Variants in DCC observed in about 807,000 individuals in gnomAD.
The protein encoded by DCC is DCC netrin 1 receptor, also known as netrin receptor DCC.
A neutral mutation model predicts 172.5 loss-of-function variants in DCC; 58 were observed. That is an observed-to-expected ratio of 0.34 (90% CI 0.27 to 0.42). The LOEUF is 0.42. DCC is among the 10% of genes least tolerant of loss of function. DCC has a pLI of 1.00. For synonymous variants in DCC, 709 were observed against 644.5 expected, an observed-to-expected ratio of 1.10 and a Z score of -1.52; for missense variants, 1,740 against 1,791.0, an observed-to-expected ratio of 0.97 and a Z score of 0.51.
intron 1 of DCC, among the ~76,000 whole-genome samples, chr18:52,440,887 C>A (rs1987951151): frequency 6.6e-6 from 1 of 152,168 alleles, no homozygotes; most frequent in African/African-American, 2.4e-5. Flanking sequence ...TCTGTATGTG[C>A]TCTGTGTAAA....
At chr18:52,578,518 T>C (rs1294098297) in intron 1 of DCC, among the ~76,000 whole-genome samples, 5 of 152,208 alleles carry the variant, frequency 3.3e-5, no homozygotes, top group Admixed American at 3.3e-4. Context: ...ATGAAATTTT[T>C]GTCCTCTGTA....
intron 7 of DCC, among the ~76,000 whole-genome samples, chr18:53,122,318 C>G (rs573029432): frequency 1.2e-4 from 18 of 152,018 alleles, no homozygotes; most frequent in African/African-American, 4.3e-4. Flanking sequence ...AACTCATTAA[C>G]CAATTGGCTT....
chr18:52,415,099 A>G (rs968697772), intron 1 of DCC, among the ~76,000 whole-genome samples: 6 of 152,218 alleles, frequency 3.9e-5, no homozygotes, highest in African/African-American at 9.6e-5. Flanking sequence ...AGATTTTTTC[A>G]TTATCATTGT....
intron 12 of DCC, among the ~76,000 whole-genome samples, chr18:53,258,762 A>G (rs879560895): frequency 6.6e-6 from 1 of 152,136 alleles, no homozygotes; most frequent in Non-Finnish European, 1.5e-5. Flanking sequence ...GTTCCTGGAT[A>G]TCCTTTTTAA....
At chr18:52,461,112 A>C (rs903474791) in intron 1 of DCC, among the ~76,000 whole-genome samples, 1 of 152,098 alleles carries the variant, frequency 6.6e-6, no homozygotes, top group Admixed American at 6.6e-5. Context: ...ATTCCTTTGG[A>C]TCTTTGTTCT....
At chr18:53,497,615 C>G (rs2046040265) in intron 26 of DCC, among the ~76,000 whole-genome samples, 1 of 152,204 alleles carries the variant, frequency 6.6e-6, no homozygotes, top group African/African-American at 2.4e-5. Context: ...TAGAACCACA[C>G]TCACAAAAAT....
At chr18:53,442,007 T>C (rs1197427141) in intron 22 of DCC, among the ~76,000 whole-genome samples, 2 of 152,248 alleles carry the variant, frequency 1.3e-5, no homozygotes, top group South Asian at 2.1e-4. Context: ...GAATAGGAGC[T>C]GATGCTTAGC....
chr18:52,603,342 A>G (rs908263508), intron 1 of DCC, among the ~76,000 whole-genome samples: 2 of 152,130 alleles, frequency 1.3e-5, no homozygotes, highest in South Asian at 2.1e-4. Flanking sequence ...CTGCTTTCTC[A>G]TCCATTAGAC....
intron 13 of DCC, among the ~76,000 whole-genome samples, chr18:53,306,003 T>C (rs1249193779): frequency 6.6e-6 from 1 of 152,210 alleles, no homozygotes; most frequent in Non-Finnish European, 1.5e-5. Flanking sequence ...ATCTGTTATC[T>C]AAAAACTTAA....
At chr18:52,769,988 A>G (rs201473187) in intron 2 of DCC, among the ~76,000 whole-genome samples, 1 of 152,232 alleles carries the variant, frequency 6.6e-6, no homozygotes, top group Non-Finnish European at 1.5e-5. Flanking sequence ...TGCTTCTCCT[A>G]AAACAGTCTA....
rs191539781 is a variant in DCC at position 52,768,244 on chromosome 18, G to A, written c.412+15870G>A. Among the ~76,000 whole-genome samples, 241 of 152,212 alleles carry A rather than the reference G, an allele frequency of 1.6e-3. 1 individual carries two copies. The highest frequency in any genetic ancestry group is 5.4e-3 in the African/African-American group (226 of 41,542). ...TTTAGAGTGTAAGGTCTTACCTGGG[G>A]AACATGTGTTTCATATGTTTTAAAA... On this transcript the variant is annotated intron_variant, in intron 2 of 28. Transcript: ENST00000442544.
At chr18:52,774,556 C>T (rs2037395480) in intron 2 of DCC, among the ~76,000 whole-genome samples, 1 of 152,232 alleles carries the variant, frequency 6.6e-6, no homozygotes, top group Non-Finnish European at 1.5e-5. Flanking sequence ...CTGGAGAGGT[C>T]AGAGCAGCAA....
At chr18:53,237,292 A>G (rs918801206) in intron 12 of DCC, 6 of 153,756 alleles carry the variant, frequency 3.9e-5, no homozygotes, top group African/African-American at 1.2e-4. Context: ...AAATAGAAAA[A>G]AAGGCTAAAT....
intron 7 of DCC, 77 bp from the exon 8 acceptor site, chr18:53,157,278 TA>T: frequency 6.4e-7 from 1 of 1,568,136 alleles, no homozygotes; most frequent in Admixed American, 1.7e-5. Flanking sequence ...TGCTTGCTAA[TA>T]GGTTGGCTCT....
In DCC at chr18:53,286,825, G is replaced by A. The variant is rs548643694; in HGVS notation, c.1912-18753G>A. ...ATTTATGGCAAGACTCACAAATGTA[G>A]GGGTGTTTCCAACTCTACAAAAATA... is the stretch of plus-strand genomic sequence containing the variant. On this transcript the variant is annotated intron_variant, in intron 12 of 28. Coordinates refer to ENST00000442544, the MANE Select transcript of DCC (RefSeq NM_005215.4). Among the ~76,000 whole-genome samples the A allele has an allele frequency of 3.9e-5, 6 of 152,176 alleles. No homozygotes were observed. The South Asian group carries it at 6.2e-4, about 16-fold the overall frequency.
At chr18:52,726,150 C>A (rs1294078113) in intron 1 of DCC, among the ~76,000 whole-genome samples, 1 of 152,158 alleles carries the variant, frequency 6.6e-6, no homozygotes, top group African/African-American at 2.4e-5. Flanking sequence ...TCCCAACAGC[C>A]CTAGCAGATG....
At chr18:52,341,373 G>A (rs533578999) in intron 1 of DCC, among the ~76,000 whole-genome samples, 1 of 152,264 alleles carries the variant, frequency 6.6e-6, no homozygotes, top group Non-Finnish European at 1.5e-5. Context: ...TTTTGGACTT[G>A]GTGATTGAGA....
intron 5 of DCC, among the ~76,000 whole-genome samples, chr18:52,967,328 A>G (rs1483029886): frequency 1.3e-5 from 2 of 152,168 alleles, no homozygotes; most frequent in African/African-American, 4.8e-5. Flanking sequence ...TTAACTGAGT[A>G]TGGTTGGCCT....
chr18:52,797,158 G>T (rs1433789251), intron 2 of DCC, among the ~76,000 whole-genome samples: 1 of 151,998 alleles, frequency 6.6e-6, no homozygotes, highest in East Asian at 1.9e-4. Context: ...CTCATCTAGA[G>T]CATAAATTGT....
Sources: allele counts gnomAD v4.1 joint callset (sites outside exome capture counted in the v4.1 genomes callset), GRCh38; gene constraint gnomAD v4.1.1; transcripts MANE v1.5; gene names NCBI Gene and HGNC (gene_info 2026-07-23, HGNC 2026-07-21).